Variants in PCDH11X observed in about 807,000 individuals in gnomAD.
The protein encoded by PCDH11X is protocadherin-11 X-linked.
In PCDH11X, 18 loss-of-function variants were observed where a neutral mutation model predicts 53.3. That is an observed-to-expected ratio of 0.34 (90% CI 0.23 to 0.50). The LOEUF is 0.50. Among genes scored for constraint, PCDH11X ranks in the 20% least tolerant of loss-of-function variants. The probability of loss-of-function intolerance (pLI) is 0.98; values close to 1 mark genes in which losing one functional copy is unlikely to be tolerated. For missense variants in PCDH11X, 570 were observed against 1,032.4 expected, an observed-to-expected ratio of 0.55 and a Z score of 6.14; for synonymous variants, 279 against 393.3, an observed-to-expected ratio of 0.71 and a Z score of 3.44.
chrX:92,005,238 T>C (rs1186953175), intron 6 of PCDH11X, among the ~76,000 whole-genome samples: 1 of 111,445 alleles, frequency 9.0e-6, no homozygotes, highest in African/African-American at 3.3e-5. Context: ...TTTTCTTATT[T>C]ATTTTCTGGT....
intron 10 of PCDH11X, among the ~76,000 whole-genome samples, chrX:92,477,984 A>G (rs2073424334): frequency 9.2e-6 from 1 of 108,730 alleles, no homozygotes; most frequent in African/African-American, 3.4e-5. Flanking sequence ...TGTAATCTCC[A>G]TGTGTCAAGG....
intron 6 of PCDH11X, among the ~76,000 whole-genome samples, chrX:91,880,455 C>A (rs184610962): frequency 1.3e-4 from 14 of 111,421 alleles, no homozygotes; most frequent in African/African-American, 3.3e-4. Flanking sequence ...CTACTGCATT[C>A]AAGATAGCAA....
At chrX:92,012,114 A>G (rs188974869) in intron 6 of PCDH11X, among the ~76,000 whole-genome samples, 1,485 of 110,359 alleles carry the variant, frequency 0.013, 22 homozygotes, top group African/African-American at 0.046. Flanking sequence ...AAAACATTAG[A>G]CACAACTTGA....
chrX:92,306,911 C>T (rs765556825), intron 8 of PCDH11X, among the ~76,000 whole-genome samples: 2 of 111,049 alleles, frequency 1.8e-5, no homozygotes, highest in South Asian at 7.6e-4. Context: ...GATCGTGCCA[C>T]TGCACTCCAG....
At chrX:92,054,921 T>A (rs1486281999) in intron 6 of PCDH11X, among the ~76,000 whole-genome samples, 8 of 91,000 alleles carry the variant, frequency 8.8e-5, no homozygotes, top group African/African-American at 3.2e-4. Context: ...CATGTGACAA[T>A]CGTTGAAGGA....
intron 9 of PCDH11X, among the ~76,000 whole-genome samples, chrX:92,461,189 G>A (rs1217150811): frequency 9.1e-6 from 1 of 110,070 alleles, no homozygotes; most frequent in Non-Finnish European, 1.9e-5. Context: ...ACATTCTTCA[G>A]AGAAATGGAA....
At chrX:92,530,903 A>ATTT (rs201861643) in intron 10 of PCDH11X, among the ~76,000 whole-genome samples, 17 of 107,019 alleles carry the variant, frequency 1.6e-4, no homozygotes, top group Admixed American at 3.0e-4. Flanking sequence ...ATAGAATGCA[A>ATTT]TTTTTTTTAT....
At chrX:91,929,047 A>G (rs189554490) in intron 6 of PCDH11X, among the ~76,000 whole-genome samples, 262 of 111,112 alleles carry the variant, frequency 2.4e-3, no homozygotes, top group African/African-American at 8.3e-3. Context: ...CTGTAACCTG[A>G]ATCTGATAAA....
intron 6 of PCDH11X, among the ~76,000 whole-genome samples, chrX:92,165,935 C>A (rs2037362747): frequency 9.0e-6 from 1 of 110,728 alleles, no homozygotes; most frequent in Admixed American, 9.8e-5. Context: ...GTGAAACTGA[C>A]AAGGATATCA....
chrX:92,248,225 T>G (rs2067388278), intron 7 of PCDH11X, among the ~76,000 whole-genome samples: 1 of 111,292 alleles, frequency 9.0e-6, no homozygotes. Context: ...ATCAGGCAAT[T>G]ATAATAACTT....
At chrX:92,067,800 C>G (rs1264145161) in intron 6 of PCDH11X, among the ~76,000 whole-genome samples, 2 of 111,431 alleles carry the variant, frequency 1.8e-5, no homozygotes, top group Non-Finnish European at 3.8e-5. Context: ...TCAGGCTTTT[C>G]TTTCCTGGGA....
chrX:92,385,970 C>T (rs2905672), intron 8 of PCDH11X, among the ~76,000 whole-genome samples: 45,770 of 110,595 alleles, frequency 0.41, 7,323 homozygotes, highest in Non-Finnish European at 0.49. Context: ...ACACCACCCA[C>T]TACTCCCTCT....
rs1256427724 is a variant in PCDH11X, at chrX:91,929,359, T to G, written c.3033+50086T>G. ...CACAAGGTTTGCTGAGTTCTTACTA[T>G]GTGCCAGGTACTAGTCTGAGCCCTT... is the stretch of plus-strand genomic sequence containing the variant. On this transcript the variant is annotated intron_variant, in intron 6 of 10. Coordinates refer to ENST00000682573, the MANE Select transcript of PCDH11X (RefSeq NM_032968.5). 7.2e-5 allele frequency among the ~76,000 whole-genome samples: 8 copies of G among 110,679 alleles called. No individual in the cohort carries two copies. The South Asian group carries it at 3.1e-3, about 42-fold the overall frequency.
chrX:92,083,957 G>T (rs2063905203), intron 6 of PCDH11X, among the ~76,000 whole-genome samples: 1 of 109,525 alleles, frequency 9.1e-6, no homozygotes. Context: ...GTGTGGTGGT[G>T]CATGCCTGTA....
intron 10 of PCDH11X, among the ~76,000 whole-genome samples, chrX:92,520,876 C>T (rs1016763464): frequency 9.0e-6 from 1 of 111,659 alleles, no homozygotes; most frequent in Admixed American, 9.6e-5. Context: ...AAACCATTTT[C>T]TTTGCTCATC....
At chrX:92,375,613 A>T (rs748624672) in intron 8 of PCDH11X, among the ~76,000 whole-genome samples, 1 of 109,186 alleles carries the variant, frequency 9.2e-6, no homozygotes, top group Non-Finnish European at 1.9e-5. Flanking sequence ...GACTTTTAAT[A>T]TTTTTTTTGT....
At chrX:92,369,304 T>C (rs1186993754) in intron 8 of PCDH11X, among the ~76,000 whole-genome samples, 1 of 110,094 alleles carries the variant, frequency 9.1e-6, no homozygotes, top group South Asian at 3.9e-4. Context: ...CCAGCCTCCT[T>C]AGCACTGTCA....
chrX:91,861,520 C>T (rs1468402876), intron 5 of PCDH11X, among the ~76,000 whole-genome samples: 2 of 109,509 alleles, frequency 1.8e-5, no homozygotes, highest in Admixed American at 9.8e-5. Flanking sequence ...TCCTCCCAGT[C>T]GAAACCTTCC....
At chrX:92,124,384 A>T (rs1204579796) in intron 6 of PCDH11X, among the ~76,000 whole-genome samples, 1 of 109,679 alleles carries the variant, frequency 9.1e-6, no homozygotes, top group Admixed American at 9.9e-5. Flanking sequence ...TGTCTCTACT[A>T]AAAATACAAA....
Sources: allele counts gnomAD v4.1 joint callset (sites outside exome capture counted in the v4.1 genomes callset), GRCh38; gene constraint gnomAD v4.1.1; transcripts MANE v1.5; gene names NCBI Gene and HGNC (gene_info 2026-07-23, HGNC 2026-07-21).